The following CDH18 variants were observed in gnomAD, a reference collection of about 807,000 sequenced individuals.
CDH18 encodes the protein cadherin-18.
CDH18 carries 31 observed loss-of-function variants against 67.9 expected under a neutral mutation model. That is an observed-to-expected ratio of 0.46 (90% CI 0.34 to 0.62). The LOEUF is 0.62. Ranked by LOEUF, CDH18 falls within the 20% of genes least tolerant of loss-of-function variation. The pLI is 0.01. For synonymous variants in CDH18, 362 were observed against 347.2 expected (o/e 1.04, Z -0.48); for missense variants, 890 against 975.5 (o/e 0.91, Z 1.17).
In CDH18 at chr5:20,328,113, G is replaced by C. The variant is rs192043996; in HGVS notation, c.-579-72608C>G. Among the ~76,000 whole-genome samples, 22 of 152,136 alleles carry C rather than the reference G, an allele frequency of 1.4e-4. No homozygotes were observed. The East Asian group carries it at 4.1e-3, about 28-fold the overall frequency. The stretch of plus-strand genomic sequence containing the variant: ...GCATCAAGCAGGAGGCATAATGAGG[G>C]AGGAAGGAAGCCTTTAGGGGCTTTG... On this transcript the variant is annotated intron_variant, in intron 1 of 14. Transcript: ENST00000507958.
chr5:20,056,809 G>C (rs534646700), intron 2 of CDH18, among the ~76,000 whole-genome samples: 1 of 145,880 alleles, frequency 6.9e-6, no homozygotes, highest in African/African-American at 2.5e-5. Flanking sequence ...TCAGTCTCCC[G>C]AGTAGCTGGG....
rs1455249929 is a variant in CDH18 at position 20,305,172 on chromosome 5, T to A, written c.-579-49667A>T. ...CACTGGTGAAGGGAGGGGCGCTGGT[T>A]ATGTTGTTTCCATTCGACAGTCCTT... On this transcript the variant is annotated intron_variant, in intron 1 of 14. Coordinates refer to the CDH18 transcript ENST00000507958. 3 of 1,433,838 alleles carry A rather than the reference T, an allele frequency of 2.1e-6. No homozygotes were observed. The African/African-American group carries it at 4.2e-5, about 20-fold the overall frequency. The allele number at this position is 1,433,838 out of a possible 1,614,324, so 88.8% of individuals were successfully genotyped here. A position where few individuals can be genotyped will look rare whatever the true frequency, so the allele number is the denominator to read the frequency against.
At position 20,304,266 on chromosome 5, in the gene CDH18, G is replaced by A. The variant is rs1416147374; in HGVS notation, c.-579-48761C>T. ...ATGTTGCCTAAATTGGTGTCTGCCC[G>A]CACCAAAAGCTGTGTCTTCTGATTT... On this transcript the variant is annotated intron_variant, in intron 1 of 14. Transcript: ENST00000507958. 55 of 1,599,256 alleles carry A rather than the reference G, an allele frequency of 3.4e-5. 1 individual carries two copies. The South Asian group carries it at 5.4e-4, about 16-fold the overall frequency.
At chr5:19,528,790 C>T (rs908686199) in intron 9 of CDH18, among the ~76,000 whole-genome samples, 6 of 151,840 alleles carry the variant, frequency 4.0e-5, no homozygotes, top group African/African-American at 9.7e-5. Flanking sequence ...TTATAATTGC[C>T]TAACTGTTCT....
intron 2 of CDH18, among the ~76,000 whole-genome samples, chr5:19,913,763 A>G (rs763714539): frequency 6.6e-6 from 1 of 152,134 alleles, no homozygotes; most frequent in Non-Finnish European, 1.5e-5. Flanking sequence ...AGCATCTGAA[A>G]TAACATATTA....
At chr5:19,587,886 C>T (rs1021373844) in intron 7 of CDH18, among the ~76,000 whole-genome samples, 13 of 151,948 alleles carry the variant, frequency 8.6e-5, no homozygotes, top group African/African-American at 3.1e-4. Context: ...GGCAGTATGG[C>T]CAATTTCACG....
Position 20,018,939 on chromosome 5 carries a change from C to T in CDH18, c.-517-26925G>A, listed in dbSNP as rs527320480. On this transcript the variant is annotated intron_variant, in intron 2 of 14. Transcript: ENST00000507958. The stretch of plus-strand genomic sequence containing the variant: ...CCTCCCGTGTAGCTGGGACTACAGG[C>T]GCGCGCCACCATGCCCGGCTAATTT... 7.1e-4 allele frequency among the ~76,000 whole-genome samples: 106 copies of T among 150,292 alleles called. 6 individuals are homozygous for T. Among genetic ancestry groups the T allele is most frequent in the African/African-American group, 2.4e-3 (97 of 40,612 alleles).
chr5:19,564,384 A>G (rs915138338), intron 8 of CDH18, among the ~76,000 whole-genome samples: 1 of 152,150 alleles, frequency 6.6e-6, no homozygotes, highest in African/African-American at 2.4e-5. Flanking sequence ...ACTTGGATAC[A>G]AGTTCAGCCA....
intron 2 of CDH18, among the ~76,000 whole-genome samples, chr5:20,088,973 TG>T (rs1431513997): frequency 1.3e-5 from 2 of 152,162 alleles, no homozygotes; most frequent in African/African-American, 4.8e-5. Context: ...GGACCCCTCC[TG>T]GTTTTTTAAT....
chr5:20,125,115 A>G (rs1433709528), intron 2 of CDH18, among the ~76,000 whole-genome samples: 1 of 152,242 alleles, frequency 6.6e-6, no homozygotes. Context: ...TAAAAGCTAT[A>G]CATGAACTAA....
intron 1 of CDH18, among the ~76,000 whole-genome samples, chr5:20,480,138 G>C (rs1047347453): frequency 1.3e-5 from 2 of 152,116 alleles, no homozygotes; most frequent in African/African-American, 4.8e-5. Flanking sequence ...ATGCCAAAGG[G>C]AGTTTCTCAG....
chr5:19,600,287 T>C (rs1362266313), intron 6 of CDH18, among the ~76,000 whole-genome samples: 1 of 151,960 alleles, frequency 6.6e-6, no homozygotes, highest in African/African-American at 2.4e-5. Context: ...AACATGCACA[T>C]GTATACATAT....
At chr5:20,187,407 G>A (rs1246871746) in intron 2 of CDH18, among the ~76,000 whole-genome samples, 1 of 151,678 alleles carries the variant, frequency 6.6e-6, no homozygotes, top group African/African-American at 2.4e-5. Context: ...TCTTCCTTTT[G>A]TAGAAGACAA....
chr5:20,014,127 T>C (rs530547605), intron 2 of CDH18, among the ~76,000 whole-genome samples: 3 of 152,178 alleles, frequency 2.0e-5, no homozygotes, highest in African/African-American at 7.2e-5. Flanking sequence ...GAGGTACTGC[T>C]CTTTCAAATT....
intron 1 of CDH18, among the ~76,000 whole-genome samples, chr5:20,491,910 G>A (rs1425939234): frequency 6.6e-6 from 1 of 151,858 alleles, no homozygotes; most frequent in African/African-American, 2.4e-5. Flanking sequence ...TTAAACATTG[G>A]AATTCAGTTT....
intron 2 of CDH18, among the ~76,000 whole-genome samples, chr5:20,136,955 TCTGCTGTTAGTCTGATGGACTTCC>T (rs1749780624): frequency 6.6e-6 from 1 of 152,196 alleles, no homozygotes; most frequent in African/African-American, 2.4e-5. Context: ...TGCCAAGAGA[TCTGCTGTTAGTCTGATGGACTTCC>T]CTTTGTGGGT....
In CDH18 at chr5:20,125,487, T is replaced by C. The variant is rs575072740; in HGVS notation, c.-518+129957A>G. The stretch of plus-strand genomic sequence containing the variant: ...TGAGTGGGTTTATGTTTAGTTTTTC[T>C]ACAATTTCCCTCTTATATTCTTATA... On this transcript the variant is annotated intron_variant, in intron 2 of 14. Coordinates refer to the CDH18 transcript ENST00000507958. 1.4e-3 allele frequency among the ~76,000 whole-genome samples: 208 copies of C among 152,304 alleles called. 1 individual carries two copies. The highest frequency in any genetic ancestry group is 3.5e-3 in the Admixed American group (54 of 15,288).
intron 2 of CDH18, among the ~76,000 whole-genome samples, chr5:20,042,883 AC>A (rs1740563531): frequency 6.6e-6 from 1 of 151,674 alleles, no homozygotes; most frequent in African/African-American, 2.4e-5. Flanking sequence ...AATGGCGTGA[AC>A]CCGGGAGGCA....
chr5:19,509,890 G>T (rs1430404216), intron 10 of CDH18, among the ~76,000 whole-genome samples: 1 of 151,840 alleles, frequency 6.6e-6, no homozygotes, highest in South Asian at 2.1e-4. Context: ...CATACTAAAA[G>T]ATTTTTTTTT....
Sources: allele counts gnomAD v4.1 joint callset (sites outside exome capture counted in the v4.1 genomes callset), GRCh38; gene constraint gnomAD v4.1.1; transcripts MANE v1.5; gene names NCBI Gene and HGNC (gene_info 2026-07-23, HGNC 2026-07-21).